The following ZSWIM5 variants were observed in gnomAD, a reference collection of about 807,000 sequenced individuals.
ZSWIM5 encodes zinc finger SWIM-type containing 5.
In ZSWIM5, 55 loss-of-function variants were observed where a neutral mutation model predicts 119.6. The ratio of observed to expected loss-of-function variants is 0.46; its 90% CI spans 0.37 to 0.58. The LOEUF is 0.58. Ranked by LOEUF, ZSWIM5 falls within the 20% of genes least tolerant of loss-of-function variation. ZSWIM5 has a pLI of 0.00. For synonymous variants in ZSWIM5, 537 were observed against 606.9 expected (o/e 0.88, Z 1.69); for missense variants, 1,193 against 1,512.8 (o/e 0.79, Z 3.51).
At chr1:45,080,331 G>T (rs1487035516) in intron 2 of ZSWIM5, among the ~76,000 whole-genome samples, 3 of 152,152 alleles carry the variant, frequency 2.0e-5, no homozygotes, top group Non-Finnish European at 4.4e-5. Context: ...ATTCCTCTTT[G>T]GCTAGGGCTG....
chr1:45,022,745 G>C (rs147519634), intron 11 of ZSWIM5, among the ~76,000 whole-genome samples: 7 of 152,294 alleles, frequency 4.6e-5, no homozygotes, highest in Admixed American at 3.9e-4. Context: ...AAATCCCTCA[G>C]CACCTGTGGG....
At chr1:45,054,631 G>T (rs1189904728) in intron 4 of ZSWIM5, among the ~76,000 whole-genome samples, 1 of 151,276 alleles carries the variant, frequency 6.6e-6, no homozygotes, top group African/African-American at 2.4e-5. Flanking sequence ...CAAAGCAAAG[G>T]TAGCTACTAT....
chr1:45,143,887 A>C (rs958802630), intron 1 of ZSWIM5, among the ~76,000 whole-genome samples: 1 of 151,124 alleles, frequency 6.6e-6, no homozygotes, highest in Non-Finnish European at 1.5e-5. Flanking sequence ...AAAAAAAAAA[A>C]CAATTATAAT....
chr1:45,075,712 T>C (rs1645252747), intron 2 of ZSWIM5, among the ~76,000 whole-genome samples: 2 of 152,228 alleles, frequency 1.3e-5, no homozygotes, highest in South Asian at 4.1e-4. Flanking sequence ...ACATTCAGTG[T>C]TGTTATTGAT....
rs1215548505 is a variant in ZSWIM5 at position 45,018,436 on chromosome 1, A to G, written c.*18T>C. The G allele has an allele frequency of 1.2e-6, 2 of 1,607,236 alleles. No individual in the cohort carries two copies. Among genetic ancestry groups the G allele is most frequent in the South Asian group, 2.2e-5 (2 of 90,004 alleles). On this transcript the variant is annotated 3_prime_UTR_variant, in exon 14 of 14. Transcript: ENST00000359600. This position sits in a 1 kb window ranked among gnomAD's most constrained non-coding sequence, Gnocchi z 6.7. ...ACCTGGGAACCCAGGCTGCTCTGGC[A>G]GTGAGCTATCTGCTCTCTCAGCCAA...
At chr1:45,147,597 A>AAT (rs2149036641) in intron 1 of ZSWIM5, among the ~76,000 whole-genome samples, 1 of 151,288 alleles carries the variant, frequency 6.6e-6, no homozygotes, top group African/African-American at 2.4e-5. Context: ...AAAAAAAAAA[A>AAT]AAAAAAAGGA....
intron 11 of ZSWIM5, among the ~76,000 whole-genome samples, chr1:45,021,687 A>T (rs894631430): frequency 6.6e-6 from 1 of 152,218 alleles, no homozygotes; most frequent in African/African-American, 2.4e-5. Flanking sequence ...TTGGAATAAA[A>T]CACATTGGGG....
chr1:45,126,723 T>C (rs79403603), intron 1 of ZSWIM5, among the ~76,000 whole-genome samples: 3,137 of 151,922 alleles, frequency 0.021, 116 homozygotes, highest in African/African-American at 0.072. Context: ...GACAACATAG[T>C]GAGACTCTGT....
chr1:45,127,867 C>G (rs1645631005), intron 1 of ZSWIM5, among the ~76,000 whole-genome samples: 1 of 152,018 alleles, frequency 6.6e-6, no homozygotes, highest in Admixed American at 6.5e-5. Context: ...AAACTTAATA[C>G]TATTTAGAGT....
intron 1 of ZSWIM5, among the ~76,000 whole-genome samples, chr1:45,092,538 A>ACCCCCCCCCCCCCCCCCCCCCCC (rs761534239): frequency 7.0e-5 from 4 of 57,434 alleles, no homozygotes; most frequent in Admixed American, 2.4e-4. Context: ...CTCGTGATCC[A>ACCCCCCCCCCCCCCCCCCCCCCC]CCCCCCCCCC....
intron 1 of ZSWIM5, among the ~76,000 whole-genome samples, chr1:45,101,779 C>A (rs371577848): frequency 6.6e-6 from 1 of 152,154 alleles, no homozygotes; most frequent in East Asian, 1.9e-4. Context: ...TCTGAGCAAA[C>A]TGTCACAAGG....
intron 1 of ZSWIM5, among the ~76,000 whole-genome samples, chr1:45,180,056 C>T (rs147564404): frequency 6.6e-6 from 1 of 152,154 alleles, no homozygotes; most frequent in Non-Finnish European, 1.5e-5. Flanking sequence ...GGGTTCATCT[C>T]ACTAGGGAGT....
rs2149000028 is a variant in ZSWIM5, at chr1:45,058,748, C to T, written c.1113G>A (p.Met371Ile). ...CTCCATTGGAATCTCTCATCCGCAG[C>T]ATTTCTCGAACCTGACACATAAGAA... ...LNSMFAKVRE[M>I]LRMRDSNGAR... is the part of the protein sequence containing the mutation. Residue 371 changes from methionine (M) to isoleucine (I), a missense_variant, in exon 4 of 14, where the codon ATG becomes ATA. Coordinates refer to ENST00000359600, the MANE Select transcript of ZSWIM5 (RefSeq NM_020883.2). 6.2e-7 allele frequency: 1 copy of T among 1,614,052 alleles called. No homozygotes were observed. Among genetic ancestry groups the T allele is most frequent in the Non-Finnish European group, 8.5e-7 (1 of 1,180,002 alleles).
chr1:45,035,699 T>G lies in ZSWIM5; in HGVS notation c.2280A>C (p.Leu760Phe), dbSNP rs924491623. 2.5e-6 allele frequency: 4 copies of G among 1,613,546 alleles called. No individual in the cohort carries two copies. The highest frequency in any genetic ancestry group is 3.4e-6 in the Non-Finnish European group (4 of 1,179,994). Residue 760 changes from leucine to phenylalanine, a missense_variant, in exon 10 of 14, where the codon TTA becomes TTC. Leu to Phe is a conservative substitution (Grantham distance 22). Around this residue, in one of 2 missense-constraint regions of ZSWIM5, gnomAD observed 961 missense variants for 1,290.0 expected, o/e 0.74. Coordinates refer to ENST00000359600, the MANE Select transcript of ZSWIM5 (RefSeq NM_020883.2). The part of the protein sequence containing the change: ...HDPDLSYKLA[L>F]RAMRLPVLEN... ...AAAGGGCTACCCACCTCATGGCACG[T>G]AAGGCTAATTTATAGGACAGGTCTG...
intron 2 of ZSWIM5, among the ~76,000 whole-genome samples, chr1:45,077,508 G>T: frequency 6.6e-6 from 1 of 152,144 alleles, no homozygotes; most frequent in East Asian, 1.9e-4. Context: ...CTATCACAAG[G>T]CAAGTGGAGG....
chr1:45,103,431 G>T (rs1018346973), intron 1 of ZSWIM5, among the ~76,000 whole-genome samples: 19 of 152,156 alleles, frequency 1.2e-4, no homozygotes, highest in African/African-American at 4.6e-4. Context: ...ACTTGTCTAA[G>T]ATCACACAAC....
chr1:45,023,323 C>T (rs1253549295), intron 11 of ZSWIM5, among the ~76,000 whole-genome samples: 1 of 152,102 alleles, frequency 6.6e-6, no homozygotes, highest in Non-Finnish European at 1.5e-5. Context: ...ATATCATATA[C>T]TTGGAATCAT....
intron 1 of ZSWIM5, among the ~76,000 whole-genome samples, chr1:45,142,401 G>C (rs1645732612): frequency 2.0e-5 from 3 of 152,140 alleles, no homozygotes; most frequent in African/African-American, 7.2e-5. Context: ...ACCCAGGCTA[G>C]AGTACAGTGG....
chr1:45,077,142 T>A (rs188415864), intron 2 of ZSWIM5, among the ~76,000 whole-genome samples: 1 of 152,098 alleles, frequency 6.6e-6, no homozygotes, highest in Non-Finnish European at 1.5e-5. Context: ...TTTTCCTGAA[T>A]GGTGTTGATG....
Sources: gnomAD v4.1 joint callset for allele counts (sites outside exome capture counted in the v4.1 genomes callset) on GRCh38, gnomAD v4.1.1 for gene constraint, gnomAD v4.1.1 regional missense constraint, Gnocchi (gnomAD v3.1) non-coding constraint, MANE v1.5 for transcripts, NCBI Gene and HGNC (gene_info 2026-07-23, HGNC 2026-07-21) for gene names.